The following FRMD3 variants were observed in gnomAD, a reference collection of about 807,000 sequenced individuals.
FRMD3 encodes the protein FERM domain-containing protein 3.
Under a neutral mutation model 70.2 loss-of-function variants are expected in FRMD3, and 33 were observed. The observed-to-expected ratio is 0.47, with a 90% CI of 0.36 to 0.63. The LOEUF is 0.63. Among genes scored for constraint, FRMD3 ranks in the 20% least tolerant of loss-of-function variants. The pLI is 0.00. For missense variants in FRMD3, 632 were observed against 711.4 expected (o/e 0.89, Z 1.27); for synonymous variants, 279 against 255.9 (o/e 1.09, Z -0.86).
chr9:83,325,236 C>A (rs181723023), intron 6 of FRMD3, among the ~76,000 whole-genome samples: 9 of 152,204 alleles, frequency 5.9e-5, no homozygotes, highest in East Asian at 1.9e-4. Flanking sequence ...GTGATGGTTA[C>A]GCTAAAAGCC....
At chr9:83,501,967 A>G (rs753376390) in intron 1 of FRMD3, among the ~76,000 whole-genome samples, 2 of 152,234 alleles carry the variant, frequency 1.3e-5, no homozygotes, top group Non-Finnish European at 2.9e-5. Context: ...GTCAAGCACC[A>G]AAATTTGTTA....
rs1264405264 is a variant in FRMD3, at chr9:83,248,279, T to G, written c.1433A>C (p.Glu478Ala). The G allele has an allele frequency of 6.2e-7, 1 of 1,614,062 alleles. No individual in the cohort carries two copies. Among genetic ancestry groups the G allele is most frequent in the African/African-American group, 1.3e-5 (1 of 74,926 alleles). ...CAGATCCTCAAATGAATCTGTGTCTTCTCTTTCCAACTCAAGCCTAGAAGG... is the reference window on the plus strand; with the variant it reads ...CAGATCCTCAAATGAATCTGTGTCTGCTCTTTCCAACTCAAGCCTAGAAGG... ...DCPSRLELER[E>A]DTDSFEDLEA... Residue 478 changes from glutamate to alanine, a missense_variant, in exon 14 of 14, where the codon GAA (glutamate) becomes GCA (alanine). Physicochemically the swap from Glu to Ala is moderately radical, Grantham distance 107 (BLOSUM62 -1). This residue lies in a region of FRMD3 where 418 missense variants were observed against 442.1 expected (regional missense o/e 0.95). Transcript: ENST00000304195.
chr9:83,321,564 A>T lies in FRMD3; in HGVS notation c.597-7817T>A, dbSNP rs540017642. 4.6e-5 allele frequency among the ~76,000 whole-genome samples: 7 copies of T among 152,300 alleles called. No homozygotes were observed. The East Asian group carries it at 5.8e-4, about 13-fold the overall frequency. ...GATATTTAATACAATTTCAATTTTT[A>T]AAAAATTTGTTAAGACATTTTCTGT... On this transcript the variant is annotated intron_variant, in intron 6 of 13. Transcript: ENST00000304195.
chr9:83,282,552 T>C (rs1259998260), intron 13 of FRMD3, among the ~76,000 whole-genome samples: 3 of 152,156 alleles, frequency 2.0e-5, no homozygotes, highest in East Asian at 1.9e-4. Context: ...TTTTTTTTTT[T>C]TTTTACCTTG....
chr9:83,382,017 CA>C (rs984817161), intron 2 of FRMD3, among the ~76,000 whole-genome samples: 11 of 141,196 alleles, frequency 7.8e-5, no homozygotes, highest in Admixed American at 2.1e-4. Context: ...AATAGACACT[CA>C]AAAAAAAAAT....
chr9:83,289,980 T>C (rs558385839), intron 13 of FRMD3, among the ~76,000 whole-genome samples: 1 of 152,194 alleles, frequency 6.6e-6, no homozygotes, highest in African/African-American at 2.4e-5. Context: ...GGGGTTGCAG[T>C]GGACACTTCA....
rs1378655503 is a variant in FRMD3, at chr9:83,538,194, C to T, written c.38G>A (p.Arg13Lys). 1 of 1,598,198 alleles carries T rather than the reference C, an allele frequency of 6.3e-7. No individual in the cohort carries two copies. Among genetic ancestry groups the T allele is most frequent in the South Asian group, 1.1e-5 (1 of 89,096 alleles). Residue 13 changes from arginine to lysine, a missense_variant, in exon 1 of 14, where the codon AGG becomes AAG. Around this residue, in one of 3 missense-constraint regions of FRMD3, gnomAD observed 208 missense variants for 247.7 expected, o/e 0.84. Coordinates refer to ENST00000304195, the MANE Select transcript of FRMD3 (RefSeq NM_174938.6). The surrounding 1 kb of genome is among the most constrained non-coding windows in gnomAD (Gnocchi z 4.7). ...CCGAAAGTGGATCATTTTCATGGTC[C>T]TCCTGCCTCTCGGCACACAGTGGCA... ...ASCHCVPRGR[R>K]TMKMIHFRSS...
chr9:83,343,988 C>A (rs1823866820), intron 4 of FRMD3, among the ~76,000 whole-genome samples: 1 of 152,262 alleles, frequency 6.6e-6, no homozygotes, highest in South Asian at 2.1e-4. Flanking sequence ...TGCACAGCTC[C>A]AGCCTAGTGC....
chr9:83,543,296 G>A (rs917749681), upstream of FRMD3, among the ~76,000 whole-genome samples: 1 of 151,986 alleles, frequency 6.6e-6, no homozygotes, highest in Non-Finnish European at 1.5e-5. Flanking sequence ...ATTGAATCCT[G>A]AAGGACTTGG....
rs544718089 is a variant in FRMD3, at chr9:83,254,297, A to C, written c.1196-5781T>G. On this transcript the variant is annotated intron_variant, in intron 13 of 13. Coordinates refer to ENST00000304195, the MANE Select transcript of FRMD3 (RefSeq NM_174938.6). ...AAAATAATAAAAGAAACTTTCAAAA[A>C]CAACTGAGAGGAATCACTGGTTTTT... Among the ~76,000 whole-genome samples the C allele has an allele frequency of 6.6e-5, 10 of 151,852 alleles. No homozygotes were observed. In the East Asian group the frequency reaches 1.7e-3, roughly 26 times the overall value.
intron 2 of FRMD3, among the ~76,000 whole-genome samples, chr9:83,373,180 C>T (rs912485956): frequency 6.6e-6 from 1 of 152,126 alleles, no homozygotes; most frequent in South Asian, 2.1e-4. Context: ...GTGAGTCAGA[C>T]AGTTGCTAGG....
At chr9:83,451,194 G>A (rs1827643807) in intron 1 of FRMD3, among the ~76,000 whole-genome samples, 1 of 152,124 alleles carries the variant, frequency 6.6e-6, no homozygotes, top group Non-Finnish European at 1.5e-5. Context: ...TGAGGTGCGG[G>A]ATTAAGCGAG....
intron 13 of FRMD3, among the ~76,000 whole-genome samples, chr9:83,266,841 A>G (rs1833278933): frequency 6.6e-6 from 1 of 151,752 alleles, no homozygotes; most frequent in Non-Finnish European, 1.5e-5. Flanking sequence ...TGGCTTGCTC[A>G]CCCTCCTTCC....
At chr9:83,552,911 C>T in the FRMD3 span, among the ~76,000 whole-genome samples, 1 of 152,014 alleles carries the variant, frequency 6.6e-6, no homozygotes, top group South Asian at 2.1e-4. Flanking sequence ...ACCATTGGAT[C>T]TTGCTTTTTT....
At chr9:83,260,927 C>T (rs938762124) in intron 13 of FRMD3, among the ~76,000 whole-genome samples, 1 of 152,102 alleles carries the variant, frequency 6.6e-6, no homozygotes, top group African/African-American at 2.4e-5. Flanking sequence ...CTAAGAATGA[C>T]ATTTACTTTT....
chr9:83,353,469 G>A (rs1360601917), intron 3 of FRMD3, among the ~76,000 whole-genome samples: 1 of 152,134 alleles, frequency 6.6e-6, no homozygotes, highest in Admixed American at 6.5e-5. Flanking sequence ...AGATGCATGA[G>A]GGTATAGAAT....
intron 1 of FRMD3, among the ~76,000 whole-genome samples, chr9:83,455,171 C>T (rs1407423812): frequency 2.6e-5 from 4 of 152,178 alleles, no homozygotes; most frequent in African/African-American, 4.8e-5. Context: ...TATCCTATTT[C>T]TTCCCACCTT....
At chr9:83,299,265 G>A in intron 10 of FRMD3, 79 bp from the exon 11 acceptor site, 1 of 837,820 alleles carries the variant, frequency 1.2e-6, no homozygotes, top group East Asian at 2.5e-5. Context: ...GTGGTGATGG[G>A]GTATTTTTAC....
At chr9:83,585,340 G>A in the FRMD3 span, among the ~76,000 whole-genome samples, 5 of 152,186 alleles carry the variant, frequency 3.3e-5, no homozygotes, top group Admixed American at 2.6e-4. Context: ...GGCAGTCTTG[G>A]AAGAAACTCT....
Sources: allele counts gnomAD v4.1 joint callset (sites outside exome capture counted in the v4.1 genomes callset), GRCh38; gene constraint gnomAD v4.1.1; regional missense constraint gnomAD v4.1.1; non-coding constraint Gnocchi (gnomAD v3.1); transcripts MANE v1.5; gene names NCBI Gene and HGNC (gene_info 2026-07-23, HGNC 2026-07-21).